CNTNAP5: variants seen among roughly 807,000 people sequenced by gnomAD.
CNTNAP5 encodes the protein contactin associated protein family member 5.
In CNTNAP5, 72 loss-of-function variants were observed where a neutral mutation model predicts 150.2. That is an observed-to-expected ratio of 0.48 (90% confidence interval 0.40 to 0.58). CNTNAP5 has a LOEUF of 0.58. CNTNAP5 is among the 20% of genes least tolerant of loss of function. The pLI, the probability that CNTNAP5 is intolerant of heterozygous loss-of-function variation, is 0.00. For missense variants in CNTNAP5, 1,636 were observed against 1,626.2 expected (o/e 1.01, Z -0.10); for synonymous variants, 672 against 619.8 (o/e 1.08, Z -1.25).
intron 7 of CNTNAP5, among the ~76,000 whole-genome samples, chr2:124,491,617 G>T (rs1489708444): frequency 6.6e-6 from 1 of 152,096 alleles, no homozygotes; most frequent in Non-Finnish European, 1.5e-5. Flanking sequence ...CTCAGAAGTG[G>T]AATTGCTAAT....
In CNTNAP5 at chr2:124,859,098, A is replaced by T. The variant is rs531946063; in HGVS notation, c.3218-6208A>T. On this transcript the variant is annotated intron_variant, in intron 19 of 23. Coordinates refer to ENST00000682447, the MANE Select transcript of CNTNAP5 (RefSeq NM_001367498.1). ...TAAAGAGCTTCTGCACAGCAAAAGAAACTACCATCAGAGTGAACAGGCAAC... is the reference window on the plus strand; with the variant it reads ...TAAAGAGCTTCTGCACAGCAAAAGATACTACCATCAGAGTGAACAGGCAAC... Among the ~76,000 whole-genome samples the T allele has an allele frequency of 5.7e-3, 862 of 152,148 alleles. 13 individuals carry two copies. The highest frequency in any genetic ancestry group is 0.019 in the African/African-American group (785 of 41,528).
intron 3 of CNTNAP5, among the ~76,000 whole-genome samples, chr2:124,396,964 G>T (rs185267010): frequency 6.6e-6 from 1 of 152,202 alleles, no homozygotes; most frequent in East Asian, 1.9e-4. Context: ...ATGCAGACAG[G>T]GCTACTGACC....
Position 124,914,944 on chromosome 2 carries a change from C to T in CNTNAP5, c.*656C>T, listed in dbSNP as rs1474874426. On this transcript the variant is annotated 3_prime_UTR_variant, in exon 24 of 24. Coordinates refer to ENST00000682447, the MANE Select transcript of CNTNAP5 (RefSeq NM_001367498.1). ...AAACTACTTTGTTCCTTTCTTACCACTCTCTCCTGGGGCCGACACGTTGGG... is the reference window on the plus strand; with the variant it reads ...AAACTACTTTGTTCCTTTCTTACCATTCTCTCCTGGGGCCGACACGTTGGG... The T allele has an allele frequency of 6.6e-6, 1 of 152,034 alleles. No homozygotes were observed. Among genetic ancestry groups the T allele is most frequent in the Non-Finnish European group, 1.5e-5 (1 of 68,002 alleles). 9.4% of individuals were successfully genotyped at this position (152,034 alleles called of 1,614,324 possible). A position where few individuals can be genotyped will look rare whatever the true frequency, so the allele number is the denominator to read the frequency against.
In CNTNAP5 at chr2:124,204,458, G is replaced by A. The variant is rs1166339742; in HGVS notation, c.83-17247G>A. Among the ~76,000 whole-genome samples the A allele has an allele frequency of 2.0e-5, 3 of 152,250 alleles. No individual in the cohort carries two copies. In the East Asian group the frequency reaches 5.8e-4, roughly 29 times the overall value. The stretch of plus-strand genomic sequence containing the variant: ...CTGCCAGTTACCCAGTTCCACAGTT[G>A]CTTTCACATCATTCTGGGGTATCTT... On this transcript the variant is annotated intron_variant, in intron 1 of 23. Coordinates refer to ENST00000682447, the MANE Select transcript of CNTNAP5 (RefSeq NM_001367498.1).
At chr2:124,832,938 G>A (rs1430809653) in intron 19 of CNTNAP5, among the ~76,000 whole-genome samples, 1 of 148,632 alleles carries the variant, frequency 6.7e-6, no homozygotes, top group Non-Finnish European at 1.5e-5. Flanking sequence ...TTTGAGACAG[G>A]GTCTGCCTCT....
At chr2:124,150,500 T>C (rs963367364) in intron 1 of CNTNAP5, among the ~76,000 whole-genome samples, 1 of 152,204 alleles carries the variant, frequency 6.6e-6, no homozygotes, top group African/African-American at 2.4e-5. Context: ...CATAGACTTG[T>C]GTGGCTTAAA....
At chr2:124,805,015 C>T (rs1158548723) in intron 19 of CNTNAP5, among the ~76,000 whole-genome samples, 3 of 151,982 alleles carry the variant, frequency 2.0e-5, no homozygotes, top group Non-Finnish European at 4.4e-5. Flanking sequence ...ATGAAATACT[C>T]TTTGTATGAA....
rs540745532 is a variant in CNTNAP5 at position 124,558,559 on chromosome 2, C to T, written c.1650-4658C>T. The stretch of plus-strand genomic sequence containing the variant: ...CACTGGTGTGTAGCCGTGAGATTTG[C>T]TTTGACTTTGCTCAGTAATCTTATT... On this transcript the variant is annotated intron_variant, in intron 10 of 23. Transcript: ENST00000682447. Among the ~76,000 whole-genome samples, 5 of 152,290 alleles carry T rather than the reference C, an allele frequency of 3.3e-5. No homozygotes were observed. The South Asian group carries it at 1.0e-3, about 32-fold the overall frequency.
intron 10 of CNTNAP5, among the ~76,000 whole-genome samples, chr2:124,551,625 T>A (rs1267119999): frequency 6.6e-6 from 1 of 152,204 alleles, no homozygotes; most frequent in Admixed American, 6.5e-5. Context: ...AAGGAAAGCA[T>A]ATAGAAATTG....
intron 1 of CNTNAP5, among the ~76,000 whole-genome samples, chr2:124,081,123 A>C (rs1682551585): frequency 6.6e-6 from 1 of 152,138 alleles, no homozygotes. Context: ...TGGAGAGTAT[A>C]TATGCCTTAC....
intron 13 of CNTNAP5, among the ~76,000 whole-genome samples, chr2:124,718,300 A>G (rs929064517): frequency 6.6e-6 from 1 of 152,218 alleles, no homozygotes; most frequent in African/African-American, 2.4e-5. Flanking sequence ...ATGAAGAAAG[A>G]TAAAGGTTCC....
At chr2:124,115,781 C>T (rs749395751) in intron 1 of CNTNAP5, among the ~76,000 whole-genome samples, 6 of 121,470 alleles carry the variant, frequency 4.9e-5, no homozygotes, top group South Asian at 5.8e-4. Flanking sequence ...GATGCCACCA[C>T]GCCTGGCTAA....
chr2:124,378,885 G>C (rs1023205921), intron 3 of CNTNAP5, among the ~76,000 whole-genome samples: 5 of 152,074 alleles, frequency 3.3e-5, no homozygotes, highest in Non-Finnish European at 5.9e-5. Flanking sequence ...GAACAACATG[G>C]AACAAGTTCA....
In CNTNAP5 at chr2:124,865,340, A is replaced by T. The variant is rs372746071; in HGVS notation, c.3252A>T (p.Glu1084Asp). The change falls in exon 20 of 24, where the codon GAA (glutamate) becomes GAT (aspartate). Residue 1084 changes from glutamate to aspartate, a missense_variant. Coordinates refer to ENST00000682447, the MANE Select transcript of CNTNAP5 (RefSeq NM_001367498.1). ...SLQVRYHLNK[E>D]ETHVFTIDAD... ...AGGTTCGCTATCACCTAAACAAGGA[A>T]GAAACCCATGTATTCACCATTGATG... The T allele has an allele frequency of 2.2e-5, 34 of 1,565,168 alleles. No homozygotes were observed. The highest frequency in any genetic ancestry group is 2.2e-5 in the Non-Finnish European group (25 of 1,153,320).
intron 1 of CNTNAP5, among the ~76,000 whole-genome samples, chr2:124,122,759 GACAC>G (rs66540981): frequency 0.22 from 28,404 of 127,600 alleles, 3,371 homozygotes; most frequent in East Asian, 0.62. Context: ...GGTGGTAAAA[GACAC>G]ACACACACAC....
At chr2:124,070,912 A>G (rs151187500) in intron 1 of CNTNAP5, among the ~76,000 whole-genome samples, 7 of 152,194 alleles carry the variant, frequency 4.6e-5, no homozygotes, top group Admixed American at 2.0e-4. Flanking sequence ...TCTCCTCAGC[A>G]CACAGATTAT....
chr2:124,727,104 A>G (rs769762224), intron 13 of CNTNAP5, among the ~76,000 whole-genome samples: 3 of 152,058 alleles, frequency 2.0e-5, no homozygotes, highest in Non-Finnish European at 4.4e-5. Flanking sequence ...ACCTTTCACC[A>G]TGTTTTGTCC....
chr2:124,656,682 A>C (rs1052948074), intron 13 of CNTNAP5, among the ~76,000 whole-genome samples: 1 of 152,234 alleles, frequency 6.6e-6, no homozygotes, highest in Non-Finnish European at 1.5e-5. Context: ...TGCTGTTCAG[A>C]CCATGAATTA....
intron 3 of CNTNAP5, among the ~76,000 whole-genome samples, chr2:124,346,227 T>C (rs146667112): frequency 3.3e-5 from 5 of 152,292 alleles, no homozygotes; most frequent in Non-Finnish European, 7.4e-5. Context: ...AAAGGGTAAC[T>C]GCATAACACT....
Sources: allele counts gnomAD v4.1 joint callset (sites outside exome capture counted in the v4.1 genomes callset), GRCh38; gene constraint gnomAD v4.1.1; transcripts MANE v1.5; gene names NCBI Gene and HGNC (gene_info 2026-07-23, HGNC 2026-07-21).